COL5A2: variants seen among roughly 807,000 people sequenced by gnomAD.
COL5A2 encodes the protein collagen alpha-2(V) chain.
Under a neutral mutation model 208.2 loss-of-function variants are expected in COL5A2, and 23 were observed. The observed-to-expected ratio is 0.11, with a 90% confidence interval of 0.08 to 0.16. COL5A2 has a LOEUF of 0.16. COL5A2 is among the 10% of genes least tolerant of loss of function. COL5A2 has a pLI of 1.00. For missense variants in COL5A2, 1,590 were observed against 1,956.4 expected (o/e 0.81, Z 3.53); for synonymous variants, 625 against 628.5 (o/e 0.99, Z 0.08).
At chr2:189,217,472 G>A (rs965214158) in intron 1 of COL5A2, among the ~76,000 whole-genome samples, 2 of 152,114 alleles carry the variant, frequency 1.3e-5, no homozygotes, top group African/African-American at 4.8e-5. Flanking sequence ...AAGCTGAATT[G>A]GGGAAACACT....
At chr2:189,167,280 C>A (rs932942714) in intron 1 of COL5A2, among the ~76,000 whole-genome samples, 2 of 152,126 alleles carry the variant, frequency 1.3e-5, no homozygotes, top group Non-Finnish European at 2.9e-5. Context: ...CTAAAACTTA[C>A]CAATTCTATT....
the COL5A2 span, among the ~76,000 whole-genome samples, chr2:189,360,839 A>T: frequency 7.2e-3 from 1,100 of 151,820 alleles, 15 homozygotes; most frequent in African/African-American, 0.025. Flanking sequence ...CTCATTGTTC[A>T]GCTAATACTT....
At chr2:189,097,926 A>C (rs1201056611) in intron 5 of COL5A2, among the ~76,000 whole-genome samples, 3 of 152,188 alleles carry the variant, frequency 2.0e-5, no homozygotes, top group Non-Finnish European at 2.9e-5. Flanking sequence ...TATGTTTAAA[A>C]CCCACTTAGA....
chr2:189,038,901 G>T (rs1159426908), intron 51 of COL5A2, among the ~76,000 whole-genome samples: 1 of 152,020 alleles, frequency 6.6e-6, no homozygotes, highest in Non-Finnish European at 1.5e-5. Flanking sequence ...ATGTTAGCCA[G>T]GATGGTCTTG....
the COL5A2 span, among the ~76,000 whole-genome samples, chr2:189,366,968 G>A: frequency 2.6e-5 from 4 of 152,022 alleles, no homozygotes; most frequent in East Asian, 1.9e-4. Context: ...AAACTCTCCC[G>A]AAGGCTGTAA....
the COL5A2 span, among the ~76,000 whole-genome samples, chr2:189,281,128 T>TA: frequency 1.3e-5 from 2 of 152,158 alleles, no homozygotes; most frequent in Non-Finnish European, 2.9e-5. Flanking sequence ...TCTTAATCTT[T>TA]AAAAAATTCT....
chr2:189,414,795 G>T, the COL5A2 span, among the ~76,000 whole-genome samples: 9 of 149,244 alleles, frequency 6.0e-5, no homozygotes, highest in African/African-American at 2.2e-4. Flanking sequence ...CCGTTCTAGA[G>T]TCTTCTACTC....
At chr2:189,183,131 C>T (rs989620342), upstream of COL5A2, among the ~76,000 whole-genome samples, 12 of 152,110 alleles carry the variant, frequency 7.9e-5, no homozygotes, top group African/African-American at 2.7e-4. Context: ...TTATTTCTAG[C>T]ACTCTAGTTT....
At chr2:189,322,836 C>T in the COL5A2 span, among the ~76,000 whole-genome samples, 1 of 152,168 alleles carries the variant, frequency 6.6e-6, no homozygotes, top group Non-Finnish European at 1.5e-5. Flanking sequence ...ATGAGGCCAA[C>T]ATCATGATAT....
chr2:189,372,837 A>G, the COL5A2 span, among the ~76,000 whole-genome samples: 1 of 152,182 alleles, frequency 6.6e-6, no homozygotes, highest in Non-Finnish European at 1.5e-5. Context: ...ATTTTGAAGG[A>G]CAAGAGTTGA....
the COL5A2 span, among the ~76,000 whole-genome samples, chr2:189,340,416 G>A: frequency 1.3e-5 from 2 of 152,118 alleles, no homozygotes; most frequent in African/African-American, 4.8e-5. Context: ...AAAACTAAAA[G>A]ACAAAAAGTA....
chr2:189,115,204 C>T (rs1027395907), intron 1 of COL5A2, among the ~76,000 whole-genome samples: 7 of 152,098 alleles, frequency 4.6e-5, no homozygotes, highest in South Asian at 2.1e-4. Flanking sequence ...TTCTGTTTCT[C>T]ATATATCCTC....
chr2:189,250,584 C>T, the COL5A2 span, among the ~76,000 whole-genome samples: 1 of 152,134 alleles, frequency 6.6e-6, no homozygotes, highest in African/African-American at 2.4e-5. Flanking sequence ...TATCTTAGAC[C>T]TCTACTGATT....
chr2:189,374,638 A>C, the COL5A2 span, among the ~76,000 whole-genome samples: 1 of 152,154 alleles, frequency 6.6e-6, no homozygotes. Flanking sequence ...TTCTACAAAG[A>C]ATTTTTTATG....
the COL5A2 span, among the ~76,000 whole-genome samples, chr2:189,242,923 A>G: frequency 6.6e-6 from 1 of 152,172 alleles, no homozygotes; most frequent in Non-Finnish European, 1.5e-5. Context: ...CTGGTTACTC[A>G]TGGAGTCAGG....
At chr2:189,259,221 C>CA in the COL5A2 span, among the ~76,000 whole-genome samples, 1 of 151,824 alleles carries the variant, frequency 6.6e-6, no homozygotes, top group East Asian at 1.9e-4. Flanking sequence ...ATTATGCAAG[C>CA]AAAAAATGCT....
the COL5A2 span, among the ~76,000 whole-genome samples, chr2:189,350,144 A>C: frequency 6.6e-6 from 1 of 152,214 alleles, no homozygotes; most frequent in Admixed American, 6.5e-5. Flanking sequence ...ATCTAATTAG[A>C]AACAGGCATA....
chr2:189,222,604 G>A (rs550967836), intron 1 of COL5A2, among the ~76,000 whole-genome samples: 6 of 152,064 alleles, frequency 3.9e-5, no homozygotes, highest in African/African-American at 1.2e-4. Context: ...AGAAATGACC[G>A]GGTAATTTCC....
chr2:189,313,783 G>C, the COL5A2 span, among the ~76,000 whole-genome samples: 1 of 152,170 alleles, frequency 6.6e-6, no homozygotes, highest in East Asian at 1.9e-4. Flanking sequence ...AAAAAATCAG[G>C]GGTTGCAATT....
Sources: gnomAD v4.1 joint callset for allele counts (sites outside exome capture counted in the v4.1 genomes callset) on GRCh38, gnomAD v4.1.1 for gene constraint, MANE v1.5 for transcripts, NCBI Gene and HGNC (gene_info 2026-07-23, HGNC 2026-07-21) for gene names.